Variants in ASB7 observed in about 807,000 individuals in gnomAD.
ASB7 encodes ankyrin repeat and SOCS box containing 7.
In ASB7, 4 loss-of-function variants were observed where a neutral mutation model predicts 32.5. The ratio of observed to expected loss-of-function variants is 0.12; its 90% CI spans 0.06 to 0.28. ASB7 has a LOEUF of 0.28. Among genes scored for constraint, ASB7 ranks in the 10% least tolerant of loss-of-function variants. The pLI is 1.00. For synonymous variants in ASB7, 172 were observed against 155.6 expected, an observed-to-expected ratio of 1.11 and a Z score of -0.78; for missense variants, 181 against 407.1, an observed-to-expected ratio of 0.44 and a Z score of 4.78.
Position 100,629,373 on chromosome 15 carries a change from C to T in ASB7, c.212-64C>T, listed in dbSNP as rs1022458289. The T allele has an allele frequency of 7.1e-7, 1 of 1,411,076 alleles. No individual in the cohort carries two copies. Among genetic ancestry groups the T allele is most frequent in the African/African-American group, 1.4e-5 (1 of 69,934 alleles). The allele number at this position is 1,411,076 out of a possible 1,614,324, so 87.4% of individuals were successfully genotyped here. A position where few individuals can be genotyped will look rare whatever the true frequency, so the allele number is the denominator to read the frequency against. On this transcript the variant is annotated intron_variant, in intron 4 of 5. Coordinates refer to ENST00000332783, the MANE Select transcript of ASB7 (RefSeq NM_198243.3). The surrounding 1 kb of genome is among the most constrained non-coding windows in gnomAD (Gnocchi z 6.8). ...GAGAATTGGCCACAGTTTGCTGTGC[C>T]ATGGTAATGTTTGTTGTTTTGTCTT...
At chr15:100,626,281 CATT>C (rs2039836152) in intron 4 of ASB7, among the ~76,000 whole-genome samples, 1 of 152,110 alleles carries the variant, frequency 6.6e-6, no homozygotes, top group African/African-American at 2.4e-5. Flanking sequence ...TTGTACAACT[CATT>C]AATGAGGAGA....
chr15:100,639,950 G>A (rs1165729666), intron 5 of ASB7, among the ~76,000 whole-genome samples: 1 of 152,116 alleles, frequency 6.6e-6, no homozygotes, highest in Non-Finnish European at 1.5e-5. Context: ...ATAGAAAAAT[G>A]TCATAAGCCT....
At chr15:100,628,084 C>A (rs1394083076) in intron 4 of ASB7, among the ~76,000 whole-genome samples, 1 of 152,166 alleles carries the variant, frequency 6.6e-6, no homozygotes, top group Non-Finnish European at 1.5e-5. Flanking sequence ...CAGTTAAGAC[C>A]AAGGTAGATA....
intron 2 of ASB7, among the ~76,000 whole-genome samples, chr15:100,607,440 C>G (rs952606628): frequency 6.6e-6 from 1 of 152,190 alleles, no homozygotes; most frequent in Admixed American, 6.5e-5. Context: ...ATGCTTTTGA[C>G]TATTTGGGGG....
In ASB7 at chr15:100,612,291, G is replaced by A; in HGVS notation, c.75G>A (p.Gly25=). The part of the protein sequence containing the change: ...ELQIQAAVAA[G]DVHTVRKMLE... ...AGATTCAGGCCGCGGTGGCTGCTGG[G>A]GATGTCCACACAGTGCGAAAGATGC... Residue 25 remains glycine, a synonymous_variant, in exon 4 of 6, where the codon GGG becomes GGA. Coordinates refer to ENST00000332783, the MANE Select transcript of ASB7 (RefSeq NM_198243.3). The A allele has an allele frequency of 6.2e-7, 1 of 1,614,114 alleles. No individual in the cohort carries two copies. Among genetic ancestry groups the A allele is most frequent in the Non-Finnish European group, 8.5e-7 (1 of 1,179,990 alleles).
Position 100,616,395 on chromosome 15 carries a change from G to C in ASB7, c.211+3968G>C, listed in dbSNP as rs146106482. ...GGTTTTCTTTAGCCTTATCGTTTGTGCCCTTGGTGTCTTGTTTAGGAAGTA... is the reference window on the plus strand; with the variant it reads ...GGTTTTCTTTAGCCTTATCGTTTGTCCCCTTGGTGTCTTGTTTAGGAAGTA... On this transcript the variant is annotated intron_variant, in intron 4 of 5. Transcript: ENST00000332783. 5.3e-5 allele frequency among the ~76,000 whole-genome samples: 8 copies of C among 152,200 alleles called. No homozygotes were observed. The East Asian group carries it at 1.5e-3, about 29-fold the overall frequency.
chr15:100,608,035 A>G (rs11858682), intron 2 of ASB7, among the ~76,000 whole-genome samples: 67,667 of 152,030 alleles, frequency 0.45, 15,547 homozygotes, highest in African/African-American at 0.56. Flanking sequence ...GCTTGAAGCT[A>G]TGTTGGGTCA....
At chr15:100,615,770 G>C (rs1223035688) in intron 4 of ASB7, among the ~76,000 whole-genome samples, 1 of 152,130 alleles carries the variant, frequency 6.6e-6, no homozygotes, top group African/African-American at 2.4e-5. Flanking sequence ...AAAATGTTCT[G>C]TTCCTCCTCT....
chr15:100,612,295 G>A lies in ASB7; in HGVS notation c.79G>A (p.Val27Ile). ...QIQAAVAAGDVHTVRKMLEQG... is the reference protein window; with the variant it reads ...QIQAAVAAGDIHTVRKMLEQG... ...TCAGGCCGCGGTGGCTGCTGGGGAT[G>A]TCCACACAGTGCGAAAGATGCTAGA... Residue 27 changes from valine (V) to isoleucine (I), a missense_variant, in exon 4 of 6, where the codon GTC (valine) becomes ATC (isoleucine). Transcript: ENST00000332783. 1 of 1,614,112 alleles carries A rather than the reference G, an allele frequency of 6.2e-7. No individual in the cohort carries two copies. Among genetic ancestry groups the A allele is most frequent in the South Asian group, 1.1e-5 (1 of 91,082 alleles).
intron 5 of ASB7, among the ~76,000 whole-genome samples, chr15:100,644,867 A>G (rs1375135509): frequency 6.6e-6 from 1 of 152,252 alleles, no homozygotes; most frequent in Non-Finnish European, 1.5e-5. Context: ...CCATGTACAG[A>G]CATCTGTGGA....
intron 5 of ASB7, among the ~76,000 whole-genome samples, chr15:100,647,261 A>G (rs2040003173): frequency 1.3e-5 from 2 of 152,216 alleles, no homozygotes; most frequent in Admixed American, 6.5e-5. Flanking sequence ...TGACTGAAAA[A>G]TGGCATTCAA....
Position 100,611,484 on chromosome 15 carries a change from C to CTTTTTTTTTTTTTTTTTTTTTTTTTTTT in ASB7, c.-51-669_-51-668insTTTTTTTTTTTTTTTTTTTTTTTTTTTT, listed in dbSNP as rs61153969. Reference sequence around the variant, plus strand: ...GGTTAATCACCAGATTGTTTCGATTCTTTTTTTTTTTTTGAGACAGAATTT... The same window carrying CTTTTTTTTTTTTTTTTTTTTTTTTTTTT: ...GGTTAATCACCAGATTGTTTCGATTCTTTTTTTTTTTTTTTTTTTTTTTTTTTTTTTTTTTTTTTTTGAGACAGAATTT... On this transcript the variant is annotated intron_variant, in intron 3 of 5. Transcript: ENST00000332783. Among the ~76,000 whole-genome samples the CTTTTTTTTTTTTTTTTTTTTTTTTTTTT allele has an allele frequency of 4.7e-4, 36 of 77,156 alleles. 13 individuals are homozygous for CTTTTTTTTTTTTTTTTTTTTTTTTTTTT. The East Asian group carries it at 5.6e-3, about 12-fold the overall frequency. The allele number at this position is 77,156 out of a possible 152,430, so 50.6% of individuals were successfully genotyped here.
At chr15:100,607,721 G>A (rs533141203) in intron 2 of ASB7, among the ~76,000 whole-genome samples, 2 of 152,182 alleles carry the variant, frequency 1.3e-5, no homozygotes, top group Non-Finnish European at 2.9e-5. Flanking sequence ...GGTGCTACCT[G>A]TGGCCAAACC....
chr15:100,634,186 A>G (rs529626542), intron 5 of ASB7, among the ~76,000 whole-genome samples: 1 of 152,346 alleles, frequency 6.6e-6, no homozygotes, highest in East Asian at 1.9e-4. Flanking sequence ...TCTTCCTCAC[A>G]GGGTAAACTC....
rs2040020002 is a variant in ASB7, at chr15:100,649,901, G to C, written c.*1439G>C. 6.6e-6 allele frequency: 1 copy of C among 152,338 alleles called. No individual in the cohort carries two copies. The highest frequency in any genetic ancestry group is 1.9e-4 in the East Asian group (1 of 5,186). 9.4% of individuals were successfully genotyped at this position (152,338 alleles called of 1,614,324 possible). A position where few individuals can be genotyped will look rare whatever the true frequency, so the allele number is the denominator to read the frequency against. On this transcript the variant is annotated 3_prime_UTR_variant, in exon 6 of 6. Coordinates refer to ENST00000332783, the MANE Select transcript of ASB7 (RefSeq NM_198243.3). ...TTATCAGAAGTTTACAAGACGAAGG[G>C]CTTCTCTCGTCTGAATTTCTAGATT...
At chr15:100,619,197 G>A (rs1165043308) in intron 4 of ASB7, among the ~76,000 whole-genome samples, 1 of 152,224 alleles carries the variant, frequency 6.6e-6, no homozygotes. Flanking sequence ...AGGCTGGAAG[G>A]ATGGGGGTGT....
At chr15:100,633,739 A>G (rs1462936219) in intron 5 of ASB7, among the ~76,000 whole-genome samples, 1 of 152,314 alleles carries the variant, frequency 6.6e-6, no homozygotes, top group East Asian at 1.9e-4. Context: ...GAGGACAGAC[A>G]GCAGTGGACA....
intron 2 of ASB7, among the ~76,000 whole-genome samples, chr15:100,609,254 T>C (rs2039673530): frequency 6.6e-6 from 1 of 152,214 alleles, no homozygotes; most frequent in East Asian, 1.9e-4. Flanking sequence ...CTCCTTTTAG[T>C]TGTCATAGAT....
intron 3 of ASB7, among the ~76,000 whole-genome samples, chr15:100,611,679 T>C (rs4965323): frequency 0.98 from 148,276 of 151,328 alleles, 72,699 homozygotes; most frequent in East Asian, 1. Context: ...AGGGTTTCAC[T>C]ATGTTGGCCA....
Sources: allele counts gnomAD v4.1 joint callset (sites outside exome capture counted in the v4.1 genomes callset), GRCh38; gene constraint gnomAD v4.1.1; non-coding constraint Gnocchi (gnomAD v3.1); transcripts MANE v1.5; gene names NCBI Gene and HGNC (gene_info 2026-07-23, HGNC 2026-07-21).